Variants in ATP10B observed in about 807,000 individuals in gnomAD.
ATP10B encodes ATPase phospholipid transporting 10B (putative), also known as phospholipid-transporting ATPase VB.
Under a neutral mutation model 141.2 loss-of-function variants are expected in ATP10B, and 122 were observed. The ratio of observed to expected loss-of-function variants is 0.86; its 90% CI spans 0.75 to 1.00. The LOEUF (loss-of-function observed/expected upper bound fraction) is 1.00, where lower values mean the gene tolerates loss of function less well. Among genes scored for constraint, ATP10B ranks in the 50% least tolerant of loss-of-function variants. The pLI is 0.00. For missense variants in ATP10B, 1,876 were observed against 1,825.3 expected, an observed-to-expected ratio of 1.03 and a Z score of -0.51; for synonymous variants, 685 against 692.0, an observed-to-expected ratio of 0.99 and a Z score of 0.16.
chr5:160,820,911 T>C (rs1180319537), intron 1 of ATP10B, among the ~76,000 whole-genome samples: 1 of 152,160 alleles, frequency 6.6e-6, no homozygotes, highest in Non-Finnish European at 1.5e-5. Flanking sequence ...AAAAGCCATG[T>C]ATGGCAGACC....
the ATP10B span, among the ~76,000 whole-genome samples, chr5:160,870,997 A>G: frequency 6.6e-6 from 1 of 152,240 alleles, no homozygotes; most frequent in African/African-American, 2.4e-5. Flanking sequence ...TCAAAAATAC[A>G]GGAGAAATAA....
chr5:160,649,772 G>T (rs1178686850), intron 7 of ATP10B, among the ~76,000 whole-genome samples: 2 of 152,174 alleles, frequency 1.3e-5, no homozygotes, highest in African/African-American at 4.8e-5. Context: ...ACCACATAGA[G>T]ATATCCACAG....
intron 2 of ATP10B, among the ~76,000 whole-genome samples, chr5:160,747,458 G>A (rs1164165670): frequency 3.3e-5 from 5 of 152,208 alleles, no homozygotes; most frequent in Non-Finnish European, 7.3e-5. Flanking sequence ...CTTTGCAGAT[G>A]TAGTCAAATT....
At chr5:160,691,888 G>A (rs1764095566) in intron 3 of ATP10B, 1 of 152,188 alleles carries the variant, frequency 6.6e-6, no homozygotes, top group Non-Finnish European at 1.5e-5. Flanking sequence ...ATAACATTTA[G>A]CAAGCTGGAA....
At position 160,631,985 on chromosome 5, in the gene ATP10B, CAT is replaced by C. The variant is rs1276746775; in HGVS notation, c.1620+142_1620+143del. ...AAGAATTGTCTATGCCAACAAAACA[CAT>C]GTGTGGAGTATGTACAAAACCAAGG... On this transcript the variant is annotated intron_variant, in intron 13 of 25. Transcript: ENST00000327245. 22 of 622,404 alleles carry C rather than the reference CAT, an allele frequency of 3.5e-5. No individual in the cohort carries two copies. In the African/African-American group the frequency reaches 3.6e-4, roughly 10 times the overall value. 38.6% of individuals were successfully genotyped at this position (622,404 alleles called of 1,614,324 possible). A position where few individuals can be genotyped will look rare whatever the true frequency, so the allele number is the denominator to read the frequency against.
At chr5:160,683,314 A>G (rs1763548294) in intron 6 of ATP10B, among the ~76,000 whole-genome samples, 1 of 152,210 alleles carries the variant, frequency 6.6e-6, no homozygotes. Flanking sequence ...CCCTCCAAGC[A>G]AAGAGACAAG....
At chr5:160,785,998 C>T (rs1771120921) in intron 1 of ATP10B, among the ~76,000 whole-genome samples, 195 bp from the exon 2 acceptor site, 1 of 152,118 alleles carries the variant, frequency 6.6e-6, no homozygotes, top group Non-Finnish European at 1.5e-5. Flanking sequence ...ATCAGGTCTG[C>T]TACTTTATCT....
chr5:160,647,713 C>T (rs1320814038), intron 8 of ATP10B, among the ~76,000 whole-genome samples: 2 of 152,120 alleles, frequency 1.3e-5, no homozygotes, highest in Non-Finnish European at 2.9e-5. Context: ...GCACAAGGGG[C>T]GCCCTTCTCT....
chr5:160,893,376 A>G, the ATP10B span, among the ~76,000 whole-genome samples: 2 of 152,122 alleles, frequency 1.3e-5, no homozygotes, highest in Non-Finnish European at 2.9e-5. Context: ...GGTGTATGCC[A>G]TTACTGAGGC....
At chr5:160,573,536 G>A (rs1755007136) in intron 24 of ATP10B, among the ~76,000 whole-genome samples, 1 of 152,188 alleles carries the variant, frequency 6.6e-6, no homozygotes, top group African/African-American at 2.4e-5. Flanking sequence ...TGAGTGGCTG[G>A]TGAGTGAGCA....
intron 1 of ATP10B, among the ~76,000 whole-genome samples, chr5:160,822,296 C>G (rs1451298292): frequency 6.6e-6 from 1 of 151,924 alleles, no homozygotes; most frequent in Non-Finnish European, 1.5e-5. Flanking sequence ...GGAAATGCAA[C>G]TAAAAAATAC....
intron 2 of ATP10B, among the ~76,000 whole-genome samples, chr5:160,734,773 T>A (rs1003985479): frequency 6.6e-6 from 1 of 152,032 alleles, no homozygotes; most frequent in Non-Finnish European, 1.5e-5. Flanking sequence ...GACGTAACTA[T>A]ATTAAAATTA....
chr5:160,581,444 TGTA>T (rs1460890444), intron 24 of ATP10B, among the ~76,000 whole-genome samples: 2 of 152,230 alleles, frequency 1.3e-5, no homozygotes, highest in East Asian at 3.8e-4. Context: ...TCAGTTTCCA[TGTA>T]GTTGTTCAGT....
chr5:160,926,303 C>T, the ATP10B span, among the ~76,000 whole-genome samples: 1 of 152,130 alleles, frequency 6.6e-6, no homozygotes, highest in East Asian at 1.9e-4. Context: ...GGATTCAAGC[C>T]CGGGTCTTCA....
intron 7 of ATP10B, among the ~76,000 whole-genome samples, chr5:160,659,464 C>CAAATAAAAACAAAAACAA (rs1761753760): frequency 6.7e-6 from 1 of 149,932 alleles, no homozygotes; most frequent in Non-Finnish European, 1.5e-5. Context: ...GGCTCCGTCT[C>CAAATAAAAACAAAAACAA]AAATAAAAAC....
intron 12 of ATP10B, chr5:160,632,619 G>T: frequency 2.8e-5 from 5 of 177,070 alleles, no homozygotes; most frequent in Non-Finnish European, 3.9e-5. Flanking sequence ...TTTCCTCAGA[G>T]GTTTTTTTTT....
intron 20 of ATP10B, among the ~76,000 whole-genome samples, chr5:160,603,459 C>G (rs1354292372): frequency 2.0e-5 from 3 of 152,104 alleles, no homozygotes. Context: ...TTTTTTAAAG[C>G]TCATCAGCTA....
intron 1 of ATP10B, among the ~76,000 whole-genome samples, chr5:160,833,460 A>C (rs1307200137): frequency 6.6e-6 from 1 of 152,140 alleles, no homozygotes; most frequent in Non-Finnish European, 1.5e-5. Flanking sequence ...AGCTGTCTGA[A>C]TAGAAAGGGA....
chr5:160,866,240 C>T, the ATP10B span, among the ~76,000 whole-genome samples: 1 of 152,084 alleles, frequency 6.6e-6, no homozygotes. Flanking sequence ...ACAAAGAGAA[C>T]AAAATTATGC....
Sources: gnomAD v4.1 joint callset for allele counts (sites outside exome capture counted in the v4.1 genomes callset) on GRCh38, gnomAD v4.1.1 for gene constraint, MANE v1.5 for transcripts, NCBI Gene and HGNC (gene_info 2026-07-23, HGNC 2026-07-21) for gene names.